MIB1: variants seen among roughly 807,000 people sequenced by gnomAD.
MIB1 encodes MIB E3 ubiquitin protein ligase 1.
MIB1 carries 278 observed loss-of-function variants against 124.5 expected under a neutral mutation model. The observed-to-expected ratio is 2.23, with a 90% confidence interval of 2.02 to 2.47. MIB1 has a LOEUF of 2.47. Among genes scored for constraint, MIB1 ranks in the 30% most tolerant of loss-of-function variants. The pLI is 0.00. For synonymous variants in MIB1, 446 were observed against 429.4 expected (o/e 1.04, Z -0.48); for missense variants, 957 against 1,254.4 (o/e 0.76, Z 3.58).
At chr18:21,853,080 G>A (rs768061097) in intron 17 of MIB1, 60 bp from the exon 18 acceptor site, 2 of 1,126,974 alleles carry the variant, frequency 1.8e-6, no homozygotes, top group Non-Finnish European at 2.7e-6. Context: ...AATTGAACTT[G>A]TTAAGAGTTA....
intron 2 of MIB1, among the ~76,000 whole-genome samples, chr18:21,767,320 T>G (rs1367248832): frequency 6.6e-6 from 1 of 151,864 alleles, no homozygotes; most frequent in Non-Finnish European, 1.5e-5. Context: ...CAAGGAGAAG[T>G]GCTGAGCAAA....
At chr18:21,736,555 TAAC>T (rs1372760399), upstream of MIB1, among the ~76,000 whole-genome samples, 1 of 152,032 alleles carries the variant, frequency 6.6e-6, no homozygotes, top group African/African-American at 2.4e-5. Flanking sequence ...AGGTCAGTAA[TAAC>T]AAACTCCTCC....
intron 1 of MIB1, among the ~76,000 whole-genome samples, chr18:21,748,828 G>A (rs970163801): frequency 4.6e-5 from 7 of 150,934 alleles, no homozygotes; most frequent in African/African-American, 1.7e-4. Flanking sequence ...GAATTCTTGG[G>A]CTCAGGTGAT....
chr18:21,749,996 A>T (rs907655872), intron 1 of MIB1, among the ~76,000 whole-genome samples: 4 of 151,522 alleles, frequency 2.6e-5, no homozygotes, highest in African/African-American at 4.8e-5. Context: ...TTAACCAGTG[A>T]GTTAGAAATT....
chr18:21,710,007 A>AC (rs1388747304), intron 1 of MIB1, among the ~76,000 whole-genome samples: 13 of 152,282 alleles, frequency 8.5e-5, no homozygotes, highest in African/African-American at 3.1e-4. Context: ...ATGCTACATT[A>AC]AAAATATTAC....
At chr18:21,790,924 G>A (rs866518702) in intron 6 of MIB1, among the ~76,000 whole-genome samples, 1 of 152,104 alleles carries the variant, frequency 6.6e-6, no homozygotes, top group African/African-American at 2.4e-5. Context: ...AAAAGGAGGT[G>A]CTGGGGCGGT....
intron 1 of MIB1, among the ~76,000 whole-genome samples, chr18:21,726,305 C>T (rs752693578): frequency 1.7e-4 from 26 of 151,900 alleles, no homozygotes; most frequent in African/African-American, 5.3e-4. Context: ...GTAATCTCAA[C>T]GCTTTGGGAG....
At chr18:21,781,365 TTATATATATATATATATATATATATATA>T (rs57641355) in intron 6 of MIB1, among the ~76,000 whole-genome samples, 26,234 of 67,660 alleles carry the variant, frequency 0.39, 4,037 homozygotes, top group South Asian at 0.56. Flanking sequence ...TCTGTTCAAG[TTATATATATATATATATATATATATATA>T]TATATATATA....
chr18:21,772,466 A>G (rs1050625183), intron 3 of MIB1, among the ~76,000 whole-genome samples: 3 of 152,224 alleles, frequency 2.0e-5, no homozygotes, highest in Non-Finnish European at 4.4e-5. Context: ...AAAATATGAA[A>G]CTTCTTGAAC....
rs200545301 is a variant in MIB1 at position 21,843,194 on chromosome 18, C to T, written c.2026C>T (p.Arg676Ter). Reference sequence around the variant, plus strand: ...AACTGCCCTACACCTTGCTGTTGAACGACAGCATACCCAGATTGTTAGGGT... The same window carrying T: ...AACTGCCCTACACCTTGCTGTTGAATGACAGCATACCCAGATTGTTAGGGT... Reference protein sequence around the residue: ...QQTALHLAVERQHTQIVRLLV... With the variant: ...QQTALHLAVE Residue 676 changes from arginine to a stop codon, truncating the protein, a stop_gained, in exon 14 of 21, where the codon CGA becomes TGA. Transcript: ENST00000261537. LOFTEE classifies it high-confidence loss of function. The T allele has an allele frequency of 6.8e-5, 109 of 1,596,462 alleles. No individual in the cohort carries two copies. The highest frequency in any genetic ancestry group is 9.4e-5 in the African/African-American group (7 of 74,126).
chr18:21,715,876 C>G (rs57398097), intron 1 of MIB1, among the ~76,000 whole-genome samples: 2 of 151,972 alleles, frequency 1.3e-5, no homozygotes, highest in African/African-American at 2.4e-5. Flanking sequence ...ATTAAATGAC[C>G]AAACTTAAGA....
At chr18:21,717,866 A>T (rs531116905) in intron 1 of MIB1, among the ~76,000 whole-genome samples, 1 of 152,358 alleles carries the variant, frequency 6.6e-6, no homozygotes, top group Admixed American at 6.5e-5. Flanking sequence ...AAGTAGATCT[A>T]CCATTTGATC....
At chr18:21,719,067 A>C (rs2146356912) in intron 1 of MIB1, among the ~76,000 whole-genome samples, 1 of 152,204 alleles carries the variant, frequency 6.6e-6, no homozygotes, top group East Asian at 1.9e-4. Flanking sequence ...GCATGCCTGT[A>C]ATCCCAGCTA....
At chr18:21,807,773 A>G (rs147006519) in intron 10 of MIB1, among the ~76,000 whole-genome samples, 80 of 152,356 alleles carry the variant, frequency 5.3e-4, no homozygotes, top group African/African-American at 1.9e-3. Context: ...TTGCAGATGC[A>G]CTTAGATTTG....
rs1447857253 is a variant in MIB1, at chr18:21,786,854, T to C, written c.909-4520T>C. 2.0e-5 allele frequency among the ~76,000 whole-genome samples: 3 copies of C among 152,232 alleles called. No homozygotes were observed. In the East Asian group the frequency reaches 5.8e-4, roughly 29 times the overall value. ...ATTCCTGAATTGGTTTTCTGTGTTA[T>C]CTTAGAGTTCAACTGAGTTTCTTTA... On this transcript the variant is annotated intron_variant, in intron 6 of 20. Coordinates refer to ENST00000261537, the MANE Select transcript of MIB1 (RefSeq NM_020774.4).
At position 21,838,321 on chromosome 18, in the gene MIB1, A is replaced by G. The variant is rs779107602; in HGVS notation, c.1830-44A>G. 56 of 1,421,604 alleles carry G rather than the reference A, an allele frequency of 3.9e-5. No homozygotes were observed. The South Asian group carries it at 6.1e-4, about 15-fold the overall frequency. 88.1% of individuals were successfully genotyped at this position (1,421,604 alleles called of 1,614,324 possible). A position where few individuals can be genotyped will look rare whatever the true frequency, so the allele number is the denominator to read the frequency against. ...GATTGCAAACTTTTCTTTTGAGTAT[A>G]TCAAATTATGCAAATATAGAAATAA... On this transcript the variant is annotated intron_variant, in intron 12 of 20. Transcript: ENST00000261537.
At chr18:21,777,893 T>G (rs2041309710) in intron 4 of MIB1, among the ~76,000 whole-genome samples, 1 of 152,180 alleles carries the variant, frequency 6.6e-6, no homozygotes, top group Non-Finnish European at 1.5e-5. Context: ...TTTAAAAGAA[T>G]GCTGAAAGTA....
intron 10 of MIB1, among the ~76,000 whole-genome samples, chr18:21,806,943 C>A (rs958119337): frequency 1.3e-5 from 2 of 152,102 alleles, no homozygotes; most frequent in Admixed American, 6.5e-5. Flanking sequence ...TTTAAGTTTG[C>A]AAACTGACTG....
intron 6 of MIB1, among the ~76,000 whole-genome samples, chr18:21,781,409 ATATAT>A (rs2041365495): frequency 3.4e-5 from 3 of 87,108 alleles, no homozygotes; most frequent in Non-Finnish European, 6.5e-5. Context: ...ATATATATAT[ATATAT>A]AAAATTATTA....
Sources: allele counts gnomAD v4.1 joint callset (sites outside exome capture counted in the v4.1 genomes callset), GRCh38; gene constraint gnomAD v4.1.1; transcripts MANE v1.5; gene names NCBI Gene and HGNC (gene_info 2026-07-23, HGNC 2026-07-21).